MTUS2: variants seen among roughly 807,000 people sequenced by gnomAD.
MTUS2 encodes microtubule associated scaffold protein 2, also known as microtubule-associated tumor suppressor candidate 2.
Under a neutral mutation model 114.1 loss-of-function variants are expected in MTUS2, and 40 were observed. The ratio of observed to expected loss-of-function variants is 0.35; its 90% CI spans 0.27 to 0.46. The LOEUF (loss-of-function observed/expected upper bound fraction) is 0.46, where lower values mean the gene tolerates loss of function less well. Among genes scored for constraint, MTUS2 ranks in the 20% least tolerant of loss-of-function variants. The pLI, the probability that MTUS2 is intolerant of heterozygous loss-of-function variation, is 1.00. For synonymous variants in MTUS2, 688 were observed against 672.0 expected (o/e 1.02, Z -0.37); for missense variants, 1,679 against 1,705.4 (o/e 0.98, Z 0.27).
chr13:29,370,315 G>A (rs1871094980), intron 8 of MTUS2, among the ~76,000 whole-genome samples: 1 of 152,064 alleles, frequency 6.6e-6, no homozygotes, highest in Admixed American at 6.5e-5. Context: ...GATGTGATTC[G>A]GCTGGGTGTG....
At chr13:29,369,809 A>T (rs1871055744) in intron 8 of MTUS2, among the ~76,000 whole-genome samples, 1 of 152,240 alleles carries the variant, frequency 6.6e-6, no homozygotes, top group Non-Finnish European at 1.5e-5. Context: ...ATGCTGACAA[A>T]ATAGATAGGA....
At chr13:29,187,889 A>C (rs1894289153) in intron 5 of MTUS2, among the ~76,000 whole-genome samples, 1 of 152,084 alleles carries the variant, frequency 6.6e-6, no homozygotes, top group African/African-American at 2.4e-5. Flanking sequence ...CCCTTACCCA[A>C]ACCTCTCCCA....
intron 2 of MTUS2, among the ~76,000 whole-genome samples, chr13:28,994,454 C>T (rs1885000242): frequency 6.6e-6 from 1 of 152,200 alleles, no homozygotes; most frequent in Admixed American, 6.5e-5. Flanking sequence ...ATTTCTAGTT[C>T]TAGATCCCTG....
At chr13:28,967,961 T>C (rs1310602206) in intron 2 of MTUS2, among the ~76,000 whole-genome samples, 1 of 152,226 alleles carries the variant, frequency 6.6e-6, no homozygotes, top group Non-Finnish European at 1.5e-5. Flanking sequence ...CAATAGCGTT[T>C]ATTTTTATAG....
At chr13:28,994,165 C>G (rs2138349807) in intron 2 of MTUS2, among the ~76,000 whole-genome samples, 1 of 152,116 alleles carries the variant, frequency 6.6e-6, no homozygotes, top group African/African-American at 2.4e-5. Context: ...GGTTTTTTGT[C>G]CTTGGGATAG....
intron 7 of MTUS2, among the ~76,000 whole-genome samples, chr13:29,334,396 G>A (rs113830190): frequency 0.075 from 11,484 of 152,184 alleles, 1,375 homozygotes; most frequent in African/African-American, 0.25. Flanking sequence ...TGTAAGGCAG[G>A]CCTGGTGGTG....
At chr13:29,264,851 G>A in intron 5 of MTUS2, among the ~76,000 whole-genome samples, 1 of 152,240 alleles carries the variant, frequency 6.6e-6, no homozygotes, top group Non-Finnish European at 1.5e-5. Flanking sequence ...TGTGATGGGA[G>A]GGCTGCCATG....
intron 5 of MTUS2, among the ~76,000 whole-genome samples, chr13:29,106,969 TGCTCACATTTTTCTATGAGG>T (rs1256417192): frequency 6.6e-6 from 1 of 152,188 alleles, no homozygotes; most frequent in East Asian, 1.9e-4. Context: ...AAAAATGTGT[TGCTCACATTTTTCTATGAGG>T]GCTTTGTGCT....
intron 4 of MTUS2, among the ~76,000 whole-genome samples, chr13:29,093,270 C>G (rs1053387388): frequency 1.3e-5 from 2 of 152,084 alleles, no homozygotes; most frequent in Non-Finnish European, 2.9e-5. Flanking sequence ...TGGTGAAACC[C>G]CATCTCTACT....
intron 2 of MTUS2, among the ~76,000 whole-genome samples, chr13:28,939,744 A>C (rs550049041): frequency 3.3e-5 from 5 of 152,314 alleles, no homozygotes; most frequent in Admixed American, 1.3e-4. Context: ...AACAAACAAA[A>C]AAAAAACTAA....
intron 8 of MTUS2, among the ~76,000 whole-genome samples, chr13:29,415,863 G>GA (rs1440655435): frequency 1.3e-5 from 2 of 151,890 alleles, no homozygotes; most frequent in Non-Finnish European, 2.9e-5. Flanking sequence ...GCACCTTTTT[G>GA]AATGTCCATT....
intron 8 of MTUS2, among the ~76,000 whole-genome samples, chr13:29,367,535 G>A (rs768097500): frequency 6.6e-6 from 1 of 152,128 alleles, no homozygotes; most frequent in Non-Finnish European, 1.5e-5. Flanking sequence ...ATGGCAGCAA[G>A]AAAACCCCAG....
intron 2 of MTUS2, among the ~76,000 whole-genome samples, chr13:28,868,109 G>GA (rs767541382): frequency 1.6e-4 from 24 of 152,066 alleles, no homozygotes; most frequent in Non-Finnish European, 2.6e-4. Context: ...CTGCTTTAAA[G>GA]AAAAAATGGG....
At chr13:29,184,700 CAAAA>C (rs377754574) in intron 5 of MTUS2, among the ~76,000 whole-genome samples, 19 of 152,172 alleles carry the variant, frequency 1.2e-4, no homozygotes, top group African/African-American at 4.3e-4. Context: ...GCACACGTGA[CAAAA>C]AATATAGACT....
intron 6 of MTUS2, among the ~76,000 whole-genome samples, chr13:29,323,350 C>T (rs188688518): frequency 2.2e-4 from 33 of 151,860 alleles, no homozygotes; most frequent in African/African-American, 6.8e-4. Flanking sequence ...CCTGGGTTCA[C>T]GCCATTCTCC....
At chr13:29,139,013 A>G (rs981953677) in intron 5 of MTUS2, among the ~76,000 whole-genome samples, 3 of 151,296 alleles carry the variant, frequency 2.0e-5, no homozygotes, top group African/African-American at 7.3e-5. Context: ...GTTTATGTTA[A>G]TATGTTAAGT....
intron 5 of MTUS2, among the ~76,000 whole-genome samples, chr13:29,158,003 C>A (rs1038952906): frequency 1.3e-5 from 2 of 152,154 alleles, no homozygotes; most frequent in Admixed American, 6.5e-5. Flanking sequence ...TGAAACATCT[C>A]TGACTTTTAA....
At chr13:29,200,509 G>GTTTCTT (rs1894897254) in intron 5 of MTUS2, among the ~76,000 whole-genome samples, 1 of 71,246 alleles carries the variant, frequency 1.4e-5, no homozygotes, top group South Asian at 5.0e-4. Context: ...TTTTGAGTGA[G>GTTTCTT]TTTCTTTTTC....
chr13:29,188,331 A>G (rs183072576), intron 5 of MTUS2, among the ~76,000 whole-genome samples: 125 of 152,290 alleles, frequency 8.2e-4, no homozygotes, highest in Non-Finnish European at 1.3e-3. Flanking sequence ...AAATTATACT[A>G]TTTGGGAAGA....
Sources: gnomAD v4.1 joint callset for allele counts (sites outside exome capture counted in the v4.1 genomes callset) on GRCh38, gnomAD v4.1.1 for gene constraint, MANE v1.5 for transcripts, NCBI Gene and HGNC (gene_info 2026-07-23, HGNC 2026-07-21) for gene names.